PCDH9: variants seen among roughly 807,000 people sequenced by gnomAD.
The protein encoded by PCDH9 is protocadherin-9.
Under a neutral mutation model 70.6 loss-of-function variants are expected in PCDH9, and 24 were observed. The observed-to-expected ratio is 0.34, with a 90% CI of 0.25 to 0.48. The LOEUF is 0.48. Among genes scored for constraint, PCDH9 ranks in the 20% least tolerant of loss-of-function variants. The pLI, the probability that PCDH9 is intolerant of heterozygous loss-of-function variation, is 0.99. For synonymous variants in PCDH9, 562 were observed against 558.5 expected, an observed-to-expected ratio of 1.01 and a Z score of -0.09; for missense variants, 1,281 against 1,503.6, an observed-to-expected ratio of 0.85 and a Z score of 2.45.
chr13:67,034,588 C>A (rs1196136384), intron 2 of PCDH9, among the ~76,000 whole-genome samples: 1 of 151,952 alleles, frequency 6.6e-6, no homozygotes, highest in Non-Finnish European at 1.5e-5. Flanking sequence ...CATGATAGAA[C>A]CAACTCTGAA....
At chr13:66,546,719 T>C (rs1961220224) in intron 4 of PCDH9, among the ~76,000 whole-genome samples, 1 of 152,180 alleles carries the variant, frequency 6.6e-6, no homozygotes, top group African/African-American at 2.4e-5. Flanking sequence ...GCTCACTCAC[T>C]GACTCACCCA....
chr13:67,163,451 G>A (rs2088018704), intron 2 of PCDH9, among the ~76,000 whole-genome samples: 1 of 152,158 alleles, frequency 6.6e-6, no homozygotes, highest in African/African-American at 2.4e-5. Context: ...ACTATCTTAA[G>A]TTTGGTTCTC....
rs553687305 is a variant in PCDH9 at position 66,411,304 on chromosome 13, A to G, written c.3341-106276T>C. On this transcript the variant is annotated intron_variant, in intron 4 of 4. Coordinates refer to ENST00000377865, the MANE Select transcript of PCDH9 (RefSeq NM_203487.3). ...ATTTTCTGTAATGCAGACTATTGTA[A>G]TTTTGAAGATTTTGAAGAGTTGTCC... 1.3e-4 allele frequency among the ~76,000 whole-genome samples: 20 copies of G among 152,236 alleles called. No homozygotes were observed. In the East Asian group the frequency reaches 3.9e-3, roughly 29 times the overall value.
intron 3 of PCDH9, among the ~76,000 whole-genome samples, chr13:66,758,006 C>T (rs1375188136): frequency 1.3e-5 from 2 of 151,598 alleles, no homozygotes; most frequent in African/African-American, 4.8e-5. Flanking sequence ...ACAAATAATC[C>T]AACATTATCA....
chr13:66,877,847 T>C (rs184238211), intron 3 of PCDH9, among the ~76,000 whole-genome samples: 2 of 152,336 alleles, frequency 1.3e-5, no homozygotes, highest in Admixed American at 1.3e-4. Context: ...CTGTATTCTT[T>C]TGAACTCAGT....
chr13:67,076,753 T>C (rs1023751580), intron 2 of PCDH9, among the ~76,000 whole-genome samples: 1 of 152,176 alleles, frequency 6.6e-6, no homozygotes, highest in South Asian at 2.1e-4. Flanking sequence ...TGAAGACTAC[T>C]GGAAGAAGAA....
At chr13:66,596,607 A>G (rs1421834009) in intron 4 of PCDH9, among the ~76,000 whole-genome samples, 2 of 151,660 alleles carry the variant, frequency 1.3e-5, no homozygotes, top group Non-Finnish European at 3.0e-5. Context: ...AATTAAATGG[A>G]TGCATCAAAT....
rs61432438 is a variant in PCDH9, at chr13:66,933,907, A to G, written c.3037-30302T>C. Among the ~76,000 whole-genome samples, 922 of 144,608 alleles carry G rather than the reference A, an allele frequency of 6.4e-3. 7 individuals carry two copies. Among genetic ancestry groups the G allele is most frequent in the East Asian group, 0.033 (155 of 4,716 alleles). The allele number at this position is 144,608 out of a possible 152,430, so 94.9% of individuals were successfully genotyped here. A position where few individuals can be genotyped will look rare whatever the true frequency, so the allele number is the denominator to read the frequency against. The stretch of plus-strand genomic sequence containing the variant: ...ATAAGCTAGGCAAAAAAAAAAAAAA[A>G]GGGGGCGGGGGGGCAAAAAAGAAAC... On this transcript the variant is annotated intron_variant, in intron 2 of 4. Coordinates refer to ENST00000377865, the MANE Select transcript of PCDH9 (RefSeq NM_203487.3).
intron 4 of PCDH9, among the ~76,000 whole-genome samples, chr13:66,423,070 A>G (rs911455981): frequency 6.6e-6 from 1 of 152,074 alleles, no homozygotes; most frequent in Non-Finnish European, 1.5e-5. Context: ...GAAATGGATG[A>G]ATGCCTGGAC....
intron 4 of PCDH9, among the ~76,000 whole-genome samples, chr13:66,616,484 C>CTTTTTTTTTTTTTTTTTTTTTTTT (rs60587237): frequency 5.1e-5 from 6 of 116,694 alleles, no homozygotes; most frequent in Non-Finnish European, 6.7e-5. Context: ...TTCTAAAATT[C>CTTTTTTTTTTTTTTTTTTTTTTTT]TTTTTTTTTT....
At chr13:67,211,879 C>T (rs1195386957) in intron 2 of PCDH9, 3 of 152,022 alleles carry the variant, frequency 2.0e-5, no homozygotes, top group Non-Finnish European at 2.9e-5. Flanking sequence ...GTCCTTTCAA[C>T]GTACGAAGGC....
At chr13:66,559,282 T>G (rs528438064) in intron 4 of PCDH9, among the ~76,000 whole-genome samples, 2 of 145,118 alleles carry the variant, frequency 1.4e-5, no homozygotes, top group East Asian at 4.1e-4. Context: ...AGCTAAGAGC[T>G]CATATTTCCT....
intron 2 of PCDH9, among the ~76,000 whole-genome samples, chr13:67,175,703 A>G (rs1271467683): frequency 2.0e-5 from 3 of 152,152 alleles, no homozygotes; most frequent in South Asian, 4.1e-4. Flanking sequence ...AAACTATATC[A>G]TTGTTCAAAT....
intron 2 of PCDH9, among the ~76,000 whole-genome samples, chr13:67,077,790 T>C (rs190613835): frequency 2.8e-4 from 42 of 152,242 alleles, no homozygotes; most frequent in African/African-American, 9.1e-4. Context: ...ATTGAGGTCA[T>C]CATTTTTCAG....
At chr13:66,414,856 C>T (rs983924254) in intron 4 of PCDH9, among the ~76,000 whole-genome samples, 7 of 152,000 alleles carry the variant, frequency 4.6e-5, no homozygotes, top group Admixed American at 1.3e-4. Context: ...AAAAATGTTA[C>T]GGATGCATGA....
intron 4 of PCDH9, among the ~76,000 whole-genome samples, chr13:66,319,198 C>T (rs1440173356): frequency 6.6e-6 from 1 of 151,946 alleles, no homozygotes; most frequent in Admixed American, 6.6e-5. Flanking sequence ...GAAACCATGA[C>T]ATCTCTTGAA....
chr13:66,323,910 A>G (rs769898173), intron 4 of PCDH9, among the ~76,000 whole-genome samples: 1 of 152,056 alleles, frequency 6.6e-6, no homozygotes, highest in African/African-American at 2.4e-5. Flanking sequence ...AATGACCATC[A>G]GAATCATCTG....
intron 4 of PCDH9, among the ~76,000 whole-genome samples, chr13:66,348,219 C>G (rs1412891495): frequency 6.6e-6 from 1 of 152,096 alleles, no homozygotes; most frequent in Non-Finnish European, 1.5e-5. Flanking sequence ...GGCTTACCAG[C>G]TTACCTGCAT....
At chr13:67,106,168 G>A (rs1433491664) in intron 2 of PCDH9, among the ~76,000 whole-genome samples, 1 of 152,082 alleles carries the variant, frequency 6.6e-6, no homozygotes, top group Non-Finnish European at 1.5e-5. Flanking sequence ...AAGTATCCTT[G>A]CTTATTTCAG....
Sources: allele counts gnomAD v4.1 joint callset (sites outside exome capture counted in the v4.1 genomes callset), GRCh38; gene constraint gnomAD v4.1.1; transcripts MANE v1.5; gene names NCBI Gene and HGNC (gene_info 2026-07-23, HGNC 2026-07-21).